CNTNAP4: variants seen among roughly 807,000 people sequenced by gnomAD.
CNTNAP4 encodes the protein contactin associated protein family member 4.
In CNTNAP4, 98 loss-of-function variants were observed where a neutral mutation model predicts 148.4. The ratio of observed to expected loss-of-function variants is 0.66; its 90% CI spans 0.56 to 0.78. The LOEUF is 0.78. Among genes scored for constraint, CNTNAP4 ranks in the 30% least tolerant of loss-of-function variants. CNTNAP4 has a pLI of 0.00. For missense variants in CNTNAP4, 1,935 were observed against 1,565.6 expected (o/e 1.24, Z -3.98); for synonymous variants, 730 against 565.1 (o/e 1.29, Z -4.14).
At chr16:76,433,223 C>T (rs1238666628) in intron 4 of CNTNAP4, among the ~76,000 whole-genome samples, 1 of 152,020 alleles carries the variant, frequency 6.6e-6, no homozygotes, top group Non-Finnish European at 1.5e-5. Context: ...TAGTAAGCCT[C>T]AGGAATGCTT....
chr16:76,448,854 TC>T lies in CNTNAP4; in HGVS notation c.832del (p.Gln278SerfsTer27). On this transcript the variant is annotated frameshift_variant, in exon 6 of 24. Transcript: ENST00000611870. LOFTEE classifies it high-confidence loss of function. The part of the protein sequence containing the change: ...LDDQHWHSVL[I>X]QRLGKQVNFT... ...GATCAGCATTGGCATTCAGTGCTCA[TC>T]CAGCGTTTGGGCAAACAAGTCAACT... 1 of 1,613,556 alleles carries T rather than the reference TC, an allele frequency of 6.2e-7. No homozygotes were observed. Among genetic ancestry groups the T allele is most frequent in the Non-Finnish European group, 8.5e-7 (1 of 1,179,740 alleles).
chr16:76,481,593 G>A (rs2081831229), intron 12 of CNTNAP4, among the ~76,000 whole-genome samples: 1 of 152,104 alleles, frequency 6.6e-6, no homozygotes, highest in Non-Finnish European at 1.5e-5. Flanking sequence ...GGGCTAGTAT[G>A]GAGTGTATCA....
chr16:76,316,521 A>C lies in CNTNAP4; in HGVS notation c.194A>C (p.Asp65Ala), dbSNP rs1446513377. 6.2e-7 allele frequency: 1 copy of C among 1,605,556 alleles called. No homozygotes were observed. The highest frequency in any genetic ancestry group is 1.7e-5 in the Admixed American group (1 of 59,986). The change falls in exon 2 of 24, where the codon GAT becomes GCT. Residue 65 changes from aspartate (D) to alanine (A), a missense_variant and splice_region_variant. Coordinates refer to ENST00000611870, the MANE Select transcript of CNTNAP4 (RefSeq NM_033401.5). The part of the protein sequence containing the change: ...GPGFARLNRR[D>A]GAGGWSPLVS... ...GGATTTGCAAGGCTGAATAGAAGAG[A>C]TGGTAAGTCTGCTTTTCTCCTCTGA...
intron 3 of CNTNAP4, among the ~76,000 whole-genome samples, chr16:76,407,026 G>A (rs557127756): frequency 2.8e-4 from 43 of 152,230 alleles, no homozygotes; most frequent in Admixed American, 2.6e-3. Flanking sequence ...TAGCTAGAGA[G>A]GAGAAGTCAA....
rs2080539109 is a variant in CNTNAP4, at chr16:76,452,527, G to C, written c.1091G>C (p.Cys364Ser). The C allele has an allele frequency of 1.2e-6, 2 of 1,613,766 alleles. No homozygotes were observed. The highest frequency in any genetic ancestry group is 1.7e-6 in the Non-Finnish European group (2 of 1,179,832). ...IIAMGNVSFS[C>S]SQPQSMPVTF... is the part of the protein sequence containing the mutation. ...TCTCAGGGAAATGTGTCATTTTCTT[G>C]TTCACAACCACAATCTATGCCCGTG... is the stretch of plus-strand genomic sequence containing the variant. The change falls in exon 8 of 24, where the codon TGT (cysteine) becomes TCT (serine). Residue 364 changes from cysteine (C) to serine (S), a missense_variant. Physicochemically the swap from Cys to Ser is moderately radical, Grantham distance 112. Transcript: ENST00000611870.
At chr16:76,383,232 C>G (rs1357772145) in intron 3 of CNTNAP4, among the ~76,000 whole-genome samples, 1 of 151,528 alleles carries the variant, frequency 6.6e-6, no homozygotes, top group Non-Finnish European at 1.5e-5. Context: ...TAGAATAACT[C>G]CATTTTGTAA....
intron 1 of CNTNAP4, among the ~76,000 whole-genome samples, chr16:76,310,186 T>A (rs1960949521): frequency 6.6e-6 from 1 of 152,084 alleles, no homozygotes. Flanking sequence ...GTACATCAGG[T>A]ACTGGGTTGT....
chr16:76,535,093 A>C (rs1048836981), intron 17 of CNTNAP4, among the ~76,000 whole-genome samples: 8 of 152,232 alleles, frequency 5.3e-5, no homozygotes, highest in African/African-American at 1.9e-4. Context: ...ATATCAATGC[A>C]CCATCAGAAG....
At chr16:76,541,752 C>T (rs1056523717) in intron 21 of CNTNAP4, among the ~76,000 whole-genome samples, 3 of 152,108 alleles carry the variant, frequency 2.0e-5, no homozygotes, top group African/African-American at 7.2e-5. Context: ...TAAATATTTA[C>T]AGGCTTTCAA....
chr16:76,425,508 A>T (rs575868432), intron 3 of CNTNAP4, among the ~76,000 whole-genome samples: 184 of 152,314 alleles, frequency 1.2e-3, no homozygotes, highest in African/African-American at 4.3e-3. Context: ...GGAGGATAAG[A>T]TAAACAGGCA....
intron 3 of CNTNAP4, among the ~76,000 whole-genome samples, chr16:76,356,664 T>C (rs2866713): frequency 0.13 from 19,972 of 152,128 alleles, 1,994 homozygotes; most frequent in East Asian, 0.47. Context: ...TCTGGCTGAG[T>C]TGCTGGAACT....
At position 76,452,660 on chromosome 16, in the gene CNTNAP4, G is replaced by T; in HGVS notation, c.1224G>T (p.Leu408=). 6.2e-7 allele frequency: 1 copy of T among 1,613,880 alleles called. No individual in the cohort carries two copies. Among genetic ancestry groups the T allele is most frequent in the Non-Finnish European group, 8.5e-7 (1 of 1,179,856 alleles). ...FRTWNKAGLL[L]FSELQLISGG... ...CTTGGAATAAGGCAGGGCTTCTGCT[G>T]TTCAGTGAACTTCAGCTGATTTCAG... The change falls in exon 8 of 24, where the codon CTG becomes CTT. Residue 408 remains leucine (L), a synonymous_variant. Coordinates refer to ENST00000611870, the MANE Select transcript of CNTNAP4 (RefSeq NM_033401.5).
intron 3 of CNTNAP4, among the ~76,000 whole-genome samples, chr16:76,423,046 G>T (rs2079245988): frequency 6.6e-6 from 1 of 152,088 alleles, no homozygotes; most frequent in South Asian, 2.1e-4. Flanking sequence ...ACCGTTCCAC[G>T]ATGTGAGACT....
intron 1 of CNTNAP4, among the ~76,000 whole-genome samples, chr16:76,300,002 G>A (rs943482476): frequency 2.0e-5 from 3 of 152,014 alleles, no homozygotes; most frequent in African/African-American, 7.3e-5. Flanking sequence ...TTGTGGGGTG[G>A]GGGAGTGGGG....
chr16:76,348,034 G>C (rs1691189750), intron 2 of CNTNAP4, among the ~76,000 whole-genome samples: 1 of 152,110 alleles, frequency 6.6e-6, no homozygotes, highest in African/African-American at 2.4e-5. Context: ...GGTGACTGTT[G>C]CAAGAATCCA....
At chr16:76,498,521 A>T in intron 14 of CNTNAP4, 46 bp from the exon 15 acceptor site, 1 of 1,567,562 alleles carries the variant, frequency 6.4e-7, no homozygotes, top group Non-Finnish European at 8.7e-7. Context: ...TGCAATAAGG[A>T]CTATTAAAAG....
intron 3 of CNTNAP4, among the ~76,000 whole-genome samples, chr16:76,393,687 G>GA (rs142796425): frequency 0.013 from 1,853 of 145,398 alleles, 20 homozygotes; most frequent in Non-Finnish European, 0.019. Flanking sequence ...ATTCCTGGCA[G>GA]AAAAAAAAAA....
intron 1 of CNTNAP4, among the ~76,000 whole-genome samples, chr16:76,310,711 C>T (rs956779615): frequency 6.6e-6 from 1 of 152,066 alleles, no homozygotes; most frequent in Admixed American, 6.6e-5. Flanking sequence ...AGCAGGCATG[C>T]AACTAATTTT....
intron 2 of CNTNAP4, among the ~76,000 whole-genome samples, chr16:76,339,137 A>G (rs561286654): frequency 6.6e-6 from 1 of 152,232 alleles, no homozygotes; most frequent in Admixed American, 6.6e-5. Context: ...AGGGAGATAC[A>G]TTCTATATGC....
Sources: gnomAD v4.1 joint callset for allele counts (sites outside exome capture counted in the v4.1 genomes callset) on GRCh38, gnomAD v4.1.1 for gene constraint, MANE v1.5 for transcripts, NCBI Gene and HGNC (gene_info 2026-07-23, HGNC 2026-07-21) for gene names.